KALRN: variants seen among roughly 807,000 people sequenced by gnomAD.
KALRN encodes the protein kalirin.
A neutral mutation model predicts 353.7 loss-of-function variants in KALRN; 70 were observed. The observed-to-expected ratio is 0.20, with a 90% CI of 0.16 to 0.24. KALRN has a LOEUF of 0.24. KALRN is among the 10% of genes least tolerant of loss of function. The pLI is 1.00. For missense variants in KALRN, 2,791 were observed against 3,756.7 expected (o/e 0.74, Z 6.72); for synonymous variants, 1,391 against 1,434.8 (o/e 0.97, Z 0.69).
chr3:124,593,617 C>T (rs1260934115), intron 34 of KALRN, among the ~76,000 whole-genome samples: 1 of 152,196 alleles, frequency 6.6e-6, no homozygotes, highest in Non-Finnish European at 1.5e-5. Flanking sequence ...CTCCCCAGCT[C>T]CAGCAAAACA....
chr3:124,369,739 C>T (rs1034688351), intron 10 of KALRN, among the ~76,000 whole-genome samples: 32 of 152,082 alleles, frequency 2.1e-4, no homozygotes, highest in African/African-American at 7.5e-4. Flanking sequence ...AACATCTCCC[C>T]AACTCCCCCG....
chr3:124,046,106 C>A (rs1019877968), intron 1 of KALRN, among the ~76,000 whole-genome samples: 2 of 152,114 alleles, frequency 1.3e-5, no homozygotes, highest in African/African-American at 4.8e-5. Flanking sequence ...CAGTTTTATG[C>A]ATGTATATTA....
At chr3:124,218,330 G>A (rs1465215239) in intron 1 of KALRN, among the ~76,000 whole-genome samples, 1 of 152,160 alleles carries the variant, frequency 6.6e-6, no homozygotes, top group Admixed American at 6.5e-5. Flanking sequence ...ACTGAGATGA[G>A]GGTCCCAAGG....
intron 1 of KALRN, among the ~76,000 whole-genome samples, chr3:124,054,717 G>T (rs1282457214): frequency 6.6e-6 from 1 of 152,162 alleles, no homozygotes; most frequent in Non-Finnish European, 1.5e-5. Context: ...AGACTATATT[G>T]TCCACTGATG....
intron 33 of KALRN, among the ~76,000 whole-genome samples, chr3:124,550,549 C>T (rs1207430667): frequency 6.6e-6 from 1 of 152,148 alleles, no homozygotes; most frequent in African/African-American, 2.4e-5. Flanking sequence ...GTATGAGTCT[C>T]TTTGGGACCA....
intron 19 of KALRN, among the ~76,000 whole-genome samples, chr3:124,443,427 T>C (rs1462548108): frequency 6.6e-6 from 1 of 152,150 alleles, no homozygotes; most frequent in Non-Finnish European, 1.5e-5. Context: ...TTTGCTCAGA[T>C]AGCTCAAGAG....
chr3:124,674,763 A>G (rs333354), intron 49 of KALRN, 149 bp downstream of exon 49: 481,379 of 813,364 alleles, frequency 0.59, 145,344 homozygotes, highest in African/African-American at 0.77. Context: ...TTGAGTGCTG[A>G]CACCATATGC....
intron 1 of KALRN, among the ~76,000 whole-genome samples, chr3:124,175,497 A>T (rs528193453): frequency 1.1e-3 from 156 of 146,786 alleles, no homozygotes; most frequent in African/African-American, 3.8e-3. Flanking sequence ...GATCTCCAGG[A>T]TGGGGAAATG....
chr3:124,606,075 C>T (rs923513282), intron 34 of KALRN, among the ~76,000 whole-genome samples: 1 of 152,172 alleles, frequency 6.6e-6, no homozygotes. Context: ...TCATGAATAG[C>T]TTAAAGACTT....
chr3:124,356,540 G>A (rs1388815833), intron 10 of KALRN, among the ~76,000 whole-genome samples: 2 of 151,840 alleles, frequency 1.3e-5, no homozygotes, highest in Non-Finnish European at 1.5e-5. Context: ...TGCCATGTTA[G>A]CCAGGCTGGT....
At position 124,398,653 on chromosome 3, in the gene KALRN, T is replaced by C. The variant is rs773655529; in HGVS notation, c.2172-44T>C. On this transcript the variant is annotated intron_variant, in intron 12 of 59. Coordinates refer to ENST00000682506, the MANE Select transcript of KALRN (RefSeq NM_001388419.1). ...CCCTCCTCCTCTGTCACTTTTAACA[T>C]GGAAAGGCCTCTCCCTCCCTTTTTT... The C allele has an allele frequency of 2.5e-6, 4 of 1,604,260 alleles. No homozygotes were observed. The Admixed American group carries it at 5.0e-5, about 20-fold the overall frequency.
intron 56 of KALRN, among the ~76,000 whole-genome samples, chr3:124,701,502 C>T (rs1038945637): frequency 6.6e-6 from 1 of 151,506 alleles, no homozygotes; most frequent in African/African-American, 2.4e-5. Flanking sequence ...ATCCTCCAAC[C>T]TCAGCCTCCT....
chr3:124,294,693 T>C (rs1486821099), intron 5 of KALRN, among the ~76,000 whole-genome samples: 1 of 151,936 alleles, frequency 6.6e-6, no homozygotes, highest in Non-Finnish European at 1.5e-5. Flanking sequence ...TCCAGAAGCT[T>C]CTCTGGCTAT....
At chr3:124,223,392 C>T (rs1257739336) in intron 1 of KALRN, among the ~76,000 whole-genome samples, 1 of 152,110 alleles carries the variant, frequency 6.6e-6, no homozygotes, top group African/African-American at 2.4e-5. Flanking sequence ...TTGAGTAAGG[C>T]TTCTATACTG....
chr3:124,432,269 C>T (rs1560920850), intron 16 of KALRN, among the ~76,000 whole-genome samples: 1 of 151,944 alleles, frequency 6.6e-6, no homozygotes, highest in Admixed American at 6.6e-5. Flanking sequence ...AAAAAAGTAG[C>T]CAGGCATGGT....
At chr3:124,542,660 G>C (rs1255994127) in intron 33 of KALRN, among the ~76,000 whole-genome samples, 1 of 152,104 alleles carries the variant, frequency 6.6e-6, no homozygotes, top group Admixed American at 6.5e-5. Context: ...TGTTCAGAGA[G>C]AATAAGTTGT....
At chr3:124,496,450 T>G (rs890679755) in intron 33 of KALRN, 37 bp downstream of exon 33, 2 of 1,470,544 alleles carry the variant, frequency 1.4e-6, no homozygotes, top group African/African-American at 2.8e-5. Context: ...CCCTGAGACT[T>G]CTTGATGGCT....
chr3:124,187,056 C>A (rs1257698480), intron 1 of KALRN, among the ~76,000 whole-genome samples: 2 of 152,060 alleles, frequency 1.3e-5, no homozygotes, highest in African/African-American at 4.8e-5. Context: ...AGGACCTGGA[C>A]ATGTAGATTG....
intron 37 of KALRN, 79 bp from the exon 38 acceptor site, chr3:124,650,729 G>T: frequency 7.1e-7 from 1 of 1,407,226 alleles, no homozygotes; most frequent in South Asian, 1.2e-5. Context: ...TGTTGTCTGT[G>T]GCTAGGCTGG....
Sources: allele counts gnomAD v4.1 joint callset (sites outside exome capture counted in the v4.1 genomes callset), GRCh38; gene constraint gnomAD v4.1.1; transcripts MANE v1.5; gene names NCBI Gene and HGNC (gene_info 2026-07-23, HGNC 2026-07-21).